CREM: variants seen among roughly 807,000 people sequenced by gnomAD.
CREM encodes cAMP-responsive element modulator.
CREM carries 13 observed loss-of-function variants against 37.3 expected under a neutral mutation model. The ratio of observed to expected loss-of-function variants is 0.35; its 90% CI spans 0.23 to 0.55. The LOEUF (loss-of-function observed/expected upper bound fraction) is 0.55. CREM is among the 20% of genes least tolerant of loss of function. CREM has a pLI of 0.88. For missense variants in CREM, 296 were observed against 362.3 expected, an observed-to-expected ratio of 0.82 and a Z score of 1.49; for synonymous variants, 124 against 120.2, an observed-to-expected ratio of 1.03 and a Z score of -0.21.
intron 2 of CREM, among the ~76,000 whole-genome samples, chr10:35,148,097 C>T (rs2092306634): frequency 6.6e-6 from 1 of 152,120 alleles, no homozygotes; most frequent in Admixed American, 6.5e-5. Flanking sequence ...CAGGTCTAGA[C>T]ACGAGATTCA....
intron 3 of CREM, among the ~76,000 whole-genome samples, chr10:35,165,115 A>G (rs553364157): frequency 7.9e-5 from 12 of 151,966 alleles, no homozygotes; most frequent in East Asian, 7.8e-4. Flanking sequence ...TGGATAATAT[A>G]TAAAGAAAAG....
intron 3 of CREM, among the ~76,000 whole-genome samples, chr10:35,178,010 G>T (rs921596780): frequency 6.6e-6 from 1 of 152,074 alleles, no homozygotes; most frequent in Admixed American, 6.6e-5. Context: ...TGTACTTCGG[G>T]AAGTATATAT....
At chr10:35,185,407 G>A (rs146512080) in intron 5 of CREM, among the ~76,000 whole-genome samples, 10 of 152,174 alleles carry the variant, frequency 6.6e-5, no homozygotes, top group South Asian at 2.1e-4. Flanking sequence ...CCCGGCCTAG[G>A]CTTTGTACTT....
chr10:35,173,516 T>C (rs953410672), intron 3 of CREM, among the ~76,000 whole-genome samples: 9 of 152,240 alleles, frequency 5.9e-5, no homozygotes, highest in Admixed American at 5.2e-4. Context: ...TCATTTTTCA[T>C]AAAATGTTAT....
At chr10:35,129,988 G>C (rs2089003310) in intron 1 of CREM, among the ~76,000 whole-genome samples, 1 of 152,048 alleles carries the variant, frequency 6.6e-6, no homozygotes, top group Admixed American at 6.6e-5. Context: ...CCTGAGGTCA[G>C]GAGTTCAAGA....
chr10:35,144,822 T>C (rs2091877722), intron 2 of CREM, among the ~76,000 whole-genome samples: 1 of 151,956 alleles, frequency 6.6e-6, no homozygotes, highest in African/African-American at 2.4e-5. Context: ...TAATTAGCCT[T>C]TTTTTCATGA....
intron 3 of CREM, among the ~76,000 whole-genome samples, chr10:35,160,679 TTTTTGAC>T (rs2093236334): frequency 6.6e-6 from 1 of 151,794 alleles, no homozygotes. Flanking sequence ...AGTTTTTTAC[TTTTTGAC>T]TTTTGTAATA....
At chr10:35,211,103 G>A in intron 7 of CREM, 151 bp from the exon 8 acceptor site, 3 of 655,762 alleles carry the variant, frequency 4.6e-6, no homozygotes, top group Non-Finnish European at 7.4e-6. Context: ...CTTACAAAAA[G>A]CATGTGCCTG....
At chr10:35,186,633 G>T (rs2094562546) in intron 5 of CREM, among the ~76,000 whole-genome samples, 1 of 142,184 alleles carries the variant, frequency 7.0e-6, no homozygotes, top group Admixed American at 7.3e-5. Context: ...TATAATATAT[G>T]TAAATTATAT....
At chr10:35,139,267 G>A (rs1589297816) in intron 2 of CREM, among the ~76,000 whole-genome samples, 1 of 151,800 alleles carries the variant, frequency 6.6e-6, no homozygotes, top group Non-Finnish European at 1.5e-5. Context: ...TTATAGGTGC[G>A]TGCCGCCACA....
intron 3 of CREM, among the ~76,000 whole-genome samples, chr10:35,175,218 T>A (rs745646061): frequency 1.3e-5 from 2 of 152,118 alleles, no homozygotes; most frequent in African/African-American, 2.4e-5. Context: ...GAGGCCAAGG[T>A]GGGCAGATCA....
At chr10:35,160,395 C>T (rs2093214941) in intron 3 of CREM, among the ~76,000 whole-genome samples, 1 of 151,494 alleles carries the variant, frequency 6.6e-6, no homozygotes, top group African/African-American at 2.4e-5. Flanking sequence ...TTATTGTACA[C>T]TACTGTAGAC....
At chr10:35,187,091 A>G (rs1590169142) in intron 5 of CREM, among the ~76,000 whole-genome samples, 1 of 70,142 alleles carries the variant, frequency 1.4e-5, no homozygotes, top group African/African-American at 6.0e-5. Context: ...TATAATATAT[A>G]ATATATATGA....
intron 6 of CREM, chr10:35,201,597 G>T: frequency 7.5e-7 from 1 of 1,338,754 alleles, no homozygotes; most frequent in Non-Finnish European, 1.0e-6. Flanking sequence ...AAAATTGAGA[G>T]TTCTAGGAAT....
At chr10:35,135,721 G>A (rs1346283909) in intron 1 of CREM, among the ~76,000 whole-genome samples, 8 of 50,568 alleles carry the variant, frequency 1.6e-4, no homozygotes, top group African/African-American at 5.2e-4. Flanking sequence ...CCTATTTCTG[G>A]AAAAAAAAAA....
At position 35,212,408 on chromosome 10, in the gene CREM, A is replaced by G. The variant is rs2095676154; in HGVS notation, c.*1010A>G. The G allele has an allele frequency of 6.6e-6, 1 of 152,628 alleles. No homozygotes were observed. Among genetic ancestry groups the G allele is most frequent in the South Asian group, 2.1e-4 (1 of 4,832 alleles). The allele number at this position is 152,628 out of a possible 1,614,324, so 9.5% of individuals were successfully genotyped here. Reference sequence around the variant, plus strand: ...TGTAGTGTTTGGTGCTCATTTAAATATCTGAACATTTACTACAGTTTTTAA... The same window carrying G: ...TGTAGTGTTTGGTGCTCATTTAAATGTCTGAACATTTACTACAGTTTTTAA... On this transcript the variant is annotated 3_prime_UTR_variant, in exon 8 of 8. Transcript: ENST00000685392.
At position 35,187,273 on chromosome 10, in the gene CREM, T is replaced by G. The variant is rs563258405; in HGVS notation, c.410-927T>G. On this transcript the variant is annotated intron_variant, in intron 5 of 7. Coordinates refer to ENST00000685392, the MANE Select transcript of CREM (RefSeq NM_183011.2). ...CATATATAATTATATGTATGTTGGT[T>G]TTTTTTTTTAGATGGAGTCTCTGTT... Among the ~76,000 whole-genome samples, 732 of 89,356 alleles carry G rather than the reference T, an allele frequency of 8.2e-3. 8 individuals carry two copies. Among genetic ancestry groups the G allele is most frequent in the African/African-American group, 0.025 (687 of 27,522 alleles). 58.6% of individuals were successfully genotyped at this position (89,356 alleles called of 152,430 possible). A position where few individuals can be genotyped will look rare whatever the true frequency, so the allele number is the denominator to read the frequency against.
At chr10:35,205,483 C>G (rs1412995309) in intron 6 of CREM, among the ~76,000 whole-genome samples, 2 of 152,134 alleles carry the variant, frequency 1.3e-5, no homozygotes, top group Non-Finnish European at 2.9e-5. Context: ...CCTTCCAGTG[C>G]TTCAGTGATT....
At position 35,127,100 on chromosome 10, in the gene CREM, G is replaced by GCGC. The variant is rs1457575356; in HGVS notation, c.-144_-142dup. On this transcript the variant is annotated 5_prime_UTR_variant, in exon 1 of 8. Transcript: ENST00000685392. ...GCCGGCTCCGGGTTGCTGGGCGGCG[G>GCGC]CGCCGCTGCTGAGCGGCGGTCGGGC... 6.5e-6 allele frequency: 1 copy of GCGC among 152,794 alleles called. No homozygotes were observed. The highest frequency in any genetic ancestry group is 1.9e-4 in the East Asian group (1 of 5,234). The allele number at this position is 152,794 out of a possible 1,614,324, so 9.5% of individuals were successfully genotyped here. A position where few individuals can be genotyped will look rare whatever the true frequency, so the allele number is the denominator to read the frequency against.
Sources: gnomAD v4.1 joint callset for allele counts (sites outside exome capture counted in the v4.1 genomes callset) on GRCh38, gnomAD v4.1.1 for gene constraint, MANE v1.5 for transcripts, NCBI Gene and HGNC (gene_info 2026-07-23, HGNC 2026-07-21) for gene names.